The following C1orf94 variants were observed in gnomAD, a reference collection of about 807,000 sequenced individuals.
C1orf94 encodes the protein chromosome 1 open reading frame 94, also known as uncharacterized protein C1orf94.
In C1orf94, 45 loss-of-function variants were observed where a neutral mutation model predicts 53.6. The ratio of observed to expected loss-of-function variants is 0.84; its 90% CI spans 0.66 to 1.08. The LOEUF is 1.08. Among genes scored for constraint, C1orf94 ranks in the 50% least tolerant of loss-of-function variants. The probability of loss-of-function intolerance (pLI) is 0.00; values close to 1 mark genes in which losing one functional copy is unlikely to be tolerated. For missense variants in C1orf94, 762 were observed against 738.9 expected (o/e 1.03, Z -0.36); for synonymous variants, 304 against 296.1 (o/e 1.03, Z -0.27).
At chr1:34,200,421 A>T (rs570983956) in intron 2 of C1orf94, among the ~76,000 whole-genome samples, 1 of 152,202 alleles carries the variant, frequency 6.6e-6, no homozygotes, top group Non-Finnish European at 1.5e-5. Flanking sequence ...GAAGGGGTGG[A>T]TGGATGGAAG....
chr1:34,178,149 G>C (rs1348889242), intron 1 of C1orf94, 40 bp downstream of exon 1: 3 of 1,528,742 alleles, frequency 2.0e-6, no homozygotes, highest in Non-Finnish European at 2.6e-6. Context: ...AGGGAGGAGG[G>C]AGGAGATGAA....
chr1:34,200,384 G>A (rs114760986), intron 2 of C1orf94, among the ~76,000 whole-genome samples: 2,115 of 152,250 alleles, frequency 0.014, 47 homozygotes, highest in African/African-American at 0.048. Context: ...AAGGTAATTC[G>A]AATAAAGGAA....
chr1:34,197,934 G>T lies in C1orf94; in HGVS notation c.1009+21G>T. 6.3e-7 allele frequency: 1 copy of T among 1,594,128 alleles called. No homozygotes were observed. ...GATGGGTGAGTGGGGTTGGAACTGG[G>T]GTAGAGTGGGCCTGCAAGGAGGAGG... On this transcript the variant is annotated intron_variant, in intron 2 of 6. Coordinates refer to ENST00000488417, the MANE Select transcript of C1orf94 (RefSeq NM_001134734.2). The surrounding 1 kb of genome is among the most constrained non-coding windows in gnomAD (Gnocchi z 4.1).
intron 3 of C1orf94, among the ~76,000 whole-genome samples, chr1:34,201,375 G>A (rs374140584): frequency 3.9e-5 from 6 of 152,080 alleles, no homozygotes; most frequent in South Asian, 4.1e-4. Flanking sequence ...TTATGTTCCC[G>A]CTTTCTTTTC....
At chr1:34,168,805 A>C (rs1273674430) in intron 1 of C1orf94, among the ~76,000 whole-genome samples, 1 of 152,116 alleles carries the variant, frequency 6.6e-6, no homozygotes, top group Non-Finnish European at 1.5e-5. Flanking sequence ...CCTCATTTTG[A>C]CTTAACTGAC....
Position 34,197,792 on chromosome 1 carries a change from T to A in C1orf94, c.888T>A (p.Pro296=). The change falls in exon 2 of 7, where the codon CCT becomes CCA. Residue 296 remains proline, a synonymous_variant. Coordinates refer to ENST00000488417, the MANE Select transcript of C1orf94 (RefSeq NM_001134734.2). The surrounding 1 kb of genome is among the most constrained non-coding windows in gnomAD (Gnocchi z 4.1). ...CATTTCTGCTGCTGCCTCCCCGACC[T>A]CCTCCTGCACGTCCTGACAAGCTCC... The part of the protein sequence containing the change: ...LSPFLLLPPR[P]PPARPDKLPE... 1 of 1,614,138 alleles carries A rather than the reference T, an allele frequency of 6.2e-7. No individual in the cohort carries two copies. Among genetic ancestry groups the A allele is most frequent in the Middle Eastern group, 1.6e-4 (1 of 6,062 alleles).
intron 1 of C1orf94, among the ~76,000 whole-genome samples, chr1:34,191,288 CTTAGCACAGTGCCTGGCTTGTTAA>C (rs1484597137): frequency 3.3e-5 from 5 of 152,186 alleles, no homozygotes; most frequent in Non-Finnish European, 2.9e-5. Flanking sequence ...TTGTAAAGTG[CTTAGCACAGTGCCTGGCTTGTTAA>C]TTAGCACTAA....
intron 1 of C1orf94, among the ~76,000 whole-genome samples, chr1:34,194,790 T>A (rs1392851498): frequency 2.0e-5 from 3 of 152,212 alleles, no homozygotes; most frequent in East Asian, 3.9e-4. Flanking sequence ...TCACAATTTT[T>A]AAAAATTGAC....
At chr1:34,180,096 G>A (rs1642292408) in intron 1 of C1orf94, among the ~76,000 whole-genome samples, 1 of 152,172 alleles carries the variant, frequency 6.6e-6, no homozygotes, top group Non-Finnish European at 1.5e-5. Context: ...TCAGCCCCAT[G>A]CCATTTGAAG....
chr1:34,217,067 A>G (rs947035006), intron 6 of C1orf94, among the ~76,000 whole-genome samples: 1 of 152,192 alleles, frequency 6.6e-6, no homozygotes, highest in South Asian at 2.1e-4. Flanking sequence ...GTGACAGAGT[A>G]AGACTCTGTT....
At chr1:34,195,601 A>G (rs1422040567) in intron 1 of C1orf94, among the ~76,000 whole-genome samples, 1 of 151,982 alleles carries the variant, frequency 6.6e-6, no homozygotes, top group Non-Finnish European at 1.5e-5. Context: ...TGGGCTACCA[A>G]GTCTTTGCCT....
At chr1:34,217,086 A>G (rs1232702702) in intron 6 of C1orf94, among the ~76,000 whole-genome samples, 1 of 152,196 alleles carries the variant, frequency 6.6e-6, no homozygotes, top group African/African-American at 2.4e-5. Context: ...TTTCAAATAA[A>G]TGAAACTATA....
intron 2 of C1orf94, among the ~76,000 whole-genome samples, chr1:34,199,372 A>C (rs992275494): frequency 1.3e-5 from 2 of 152,204 alleles, no homozygotes; most frequent in Non-Finnish European, 2.9e-5. Context: ...GAATTCGGCA[A>C]CCGGAGGAAC....
chr1:34,174,476 T>A (rs933071982), upstream of C1orf94, among the ~76,000 whole-genome samples: 2 of 152,156 alleles, frequency 1.3e-5, no homozygotes, highest in Non-Finnish European at 2.9e-5. Context: ...ATACCTCAGA[T>A]GTGACTGTAT....
chr1:34,175,146 C>T (rs1447502518), upstream of C1orf94, among the ~76,000 whole-genome samples: 1 of 151,544 alleles, frequency 6.6e-6, no homozygotes, highest in Non-Finnish European at 1.5e-5. Context: ...TCTGTGCACT[C>T]TAAAAACATG....
intron 4 of C1orf94, among the ~76,000 whole-genome samples, chr1:34,203,289 G>A (rs982453416): frequency 3.9e-5 from 6 of 152,238 alleles, no homozygotes; most frequent in African/African-American, 1.4e-4. Flanking sequence ...TGGTATGTGC[G>A]CTAATTTTTG....
rs1364117434 is a variant in C1orf94, at chr1:34,197,737, C to G, written c.833C>G (p.Pro278Arg). The change falls in exon 2 of 7, where the codon CCT becomes CGT. Residue 278 changes from proline (P) to arginine (R), a missense_variant. By Grantham distance (103) the Pro-to-Arg change is moderately radical. Transcript: ENST00000488417. This position sits in a 1 kb window ranked among gnomAD's most constrained non-coding sequence, Gnocchi z 4.1. ...DFLQDNLFSGPGPKEPTGLSP... is the reference protein window; with the variant it reads ...DFLQDNLFSGRGPKEPTGLSP... ...CTACAGGACAACCTGTTCAGTGGCC[C>G]TGGACCCAAGGAGCCCACAGGGCTG... The G allele has an allele frequency of 6.2e-7, 1 of 1,614,176 alleles. No individual in the cohort carries two copies. The highest frequency in any genetic ancestry group is 8.5e-7 in the Non-Finnish European group (1 of 1,180,032).
chr1:34,192,212 C>T (rs768931990), intron 1 of C1orf94, among the ~76,000 whole-genome samples: 3 of 152,174 alleles, frequency 2.0e-5, no homozygotes, highest in Admixed American at 1.3e-4. Flanking sequence ...CAGGCCTAAC[C>T]GTGAACCCAG....
intron 1 of C1orf94, among the ~76,000 whole-genome samples, chr1:34,191,315 A>C (rs918571754): frequency 2.0e-5 from 3 of 152,214 alleles, no homozygotes; most frequent in Non-Finnish European, 4.4e-5. Flanking sequence ...CTTGTTAATT[A>C]GCACTAAATA....
Sources: gnomAD v4.1 joint callset for allele counts (sites outside exome capture counted in the v4.1 genomes callset) on GRCh38, gnomAD v4.1.1 for gene constraint, Gnocchi (gnomAD v3.1) non-coding constraint, MANE v1.5 for transcripts, NCBI Gene and HGNC (gene_info 2026-07-23, HGNC 2026-07-21) for gene names.